Variants in RNF146 observed in about 807,000 individuals in gnomAD.
RNF146 encodes the protein ring finger protein 146.
Under a neutral mutation model 29.7 loss-of-function variants are expected in RNF146, and 11 were observed. That is an observed-to-expected ratio of 0.37 (90% confidence interval 0.23 to 0.61). RNF146 has a LOEUF of 0.61. RNF146 is among the 20% of genes least tolerant of loss of function. The pLI is 0.66. For synonymous variants in RNF146, 150 were observed against 159.7 expected, an observed-to-expected ratio of 0.94 and a Z score of 0.46; for missense variants, 342 against 438.9, an observed-to-expected ratio of 0.78 and a Z score of 1.97.
intron 1 of RNF146, among the ~76,000 whole-genome samples, chr6:127,271,001 A>G (rs1424541317): frequency 1.3e-5 from 2 of 151,882 alleles, no homozygotes; most frequent in African/African-American, 4.8e-5. Context: ...TTTTTAGTAG[A>G]GACGGGGTTT....
At chr6:127,278,496 A>G (rs1778528846) in intron 1 of RNF146, among the ~76,000 whole-genome samples, 1 of 150,834 alleles carries the variant, frequency 6.6e-6, no homozygotes, top group South Asian at 2.1e-4. Context: ...TTCAAGGTTC[A>G]TCTATATTGT....
intron 2 of RNF146, among the ~76,000 whole-genome samples, chr6:127,281,421 T>C (rs1778902609): frequency 6.6e-6 from 1 of 151,684 alleles, no homozygotes; most frequent in African/African-American, 2.4e-5. Context: ...AGATGCCATA[T>C]TAAGGTAACA....
At chr6:127,282,623 C>A (rs979636426) in intron 2 of RNF146, among the ~76,000 whole-genome samples, 1 of 151,734 alleles carries the variant, frequency 6.6e-6, no homozygotes, top group Admixed American at 6.6e-5. Flanking sequence ...TGGAAACTTA[C>A]ATCAGCAACC....
intron 2 of RNF146, chr6:127,285,430 T>G: frequency 1.4e-6 from 1 of 727,790 alleles, no homozygotes; most frequent in African/African-American, 1.9e-5. Context: ...AGATTGTCAT[T>G]CATTTTAAGC....
At chr6:127,268,132 A>T (rs1206387076) in intron 1 of RNF146, among the ~76,000 whole-genome samples, 2 of 151,666 alleles carry the variant, frequency 1.3e-5, no homozygotes, top group Admixed American at 6.6e-5. Flanking sequence ...AACTGAGGAG[A>T]GAAGAAAGCC....
At chr6:127,277,649 T>C (rs1778404846) in intron 1 of RNF146, among the ~76,000 whole-genome samples, 1 of 152,036 alleles carries the variant, frequency 6.6e-6, no homozygotes, top group Admixed American at 6.6e-5. Flanking sequence ...GAGAAAGATG[T>C]AGGCTGGGAG....
At chr6:127,277,660 G>C (rs979669084) in intron 1 of RNF146, among the ~76,000 whole-genome samples, 3 of 151,972 alleles carry the variant, frequency 2.0e-5, no homozygotes, top group African/African-American at 7.2e-5. Flanking sequence ...AGGCTGGGAG[G>C]CTAGGCCCAT....
chr6:127,278,705 A>T (rs1778559485), intron 1 of RNF146, among the ~76,000 whole-genome samples: 1 of 151,954 alleles, frequency 6.6e-6, no homozygotes, highest in South Asian at 2.1e-4. Context: ...TTGCTGTGTT[A>T]GCTTTTTGAG....
chr6:127,277,645 G>T (rs1023742334), intron 1 of RNF146, among the ~76,000 whole-genome samples: 1 of 152,030 alleles, frequency 6.6e-6, no homozygotes, highest in African/African-American at 2.4e-5. Context: ...ACAGGAGAAA[G>T]ATGTAGGCTG....
intron 2 of RNF146, among the ~76,000 whole-genome samples, chr6:127,282,594 C>T (rs968813964): frequency 6.6e-6 from 1 of 151,696 alleles, no homozygotes; most frequent in Admixed American, 6.6e-5. Flanking sequence ...TTTTCCTTAG[C>T]ATTCTTCTAT....
Position 127,286,928 on chromosome 6 carries a change from A to G in RNF146, c.315A>G (p.Ala105=), listed in dbSNP as rs749514035. 12 of 1,613,476 alleles carry G rather than the reference A, an allele frequency of 7.4e-6. No individual in the cohort carries two copies. Among genetic ancestry groups the G allele is most frequent in the Admixed American group, 1.7e-5 (1 of 59,904 alleles). The change falls in exon 3 of 3, where the codon GCA becomes GCG. Residue 105 remains alanine (A), a synonymous_variant. Coordinates refer to ENST00000368314, the MANE Select transcript of RNF146 (RefSeq NM_001242850.2). This position sits in a 1 kb window ranked among gnomAD's most constrained non-coding sequence, Gnocchi z 4.6. ...KAASRGNGEY[A]WYYEGRNGWW... Reference sequence around the variant, plus strand: ...CAAGTAGAGGAAATGGTGAATATGCATGGTATTATGAAGGAAGAAATGGGT... The same window carrying G: ...CAAGTAGAGGAAATGGTGAATATGCGTGGTATTATGAAGGAAGAAATGGGT...
chr6:127,280,686 AAGAC>A (rs1396589755), intron 2 of RNF146: 1 of 394,212 alleles, frequency 2.5e-6, no homozygotes, highest in Non-Finnish European at 3.5e-6. Context: ...TTTTGTAAAT[AAGAC>A]AGACTACTAG....
intron 1 of RNF146, among the ~76,000 whole-genome samples, chr6:127,269,120 G>T (rs866855648): frequency 1.3e-5 from 2 of 152,290 alleles, no homozygotes; most frequent in African/African-American, 2.4e-5. Flanking sequence ...CATCTTTGTG[G>T]ATATAGAAAC....
intron 2 of RNF146, among the ~76,000 whole-genome samples, chr6:127,284,372 C>T (rs1779256948): frequency 6.6e-6 from 1 of 151,680 alleles, no homozygotes; most frequent in South Asian, 2.1e-4. Context: ...GGTCATCAGC[C>T]CATTTTTCTA....
At chr6:127,275,091 C>G (rs1229048611) in intron 1 of RNF146, among the ~76,000 whole-genome samples, 6 of 152,138 alleles carry the variant, frequency 3.9e-5, no homozygotes, top group Admixed American at 3.9e-4. Flanking sequence ...TGGATAGATG[C>G]TGGGCTGACC....
At chr6:127,278,671 A>G (rs1433270662) in intron 1 of RNF146, among the ~76,000 whole-genome samples, 1 of 151,994 alleles carries the variant, frequency 6.6e-6, no homozygotes, top group African/African-American at 2.4e-5. Flanking sequence ...CTTCAATTCT[A>G]TTGCTATATC....
rs539982878 is a variant in RNF146, at chr6:127,279,334, A to T, written c.-108-897A>T. On this transcript the variant is annotated intron_variant, in intron 1 of 2. Transcript: ENST00000368314. ...TAGAGGTCCAGCTTAATTATTTTGCATGTGGAAATCCAGTTGTCCCAACAA... is the reference window on the plus strand; with the variant it reads ...TAGAGGTCCAGCTTAATTATTTTGCTTGTGGAAATCCAGTTGTCCCAACAA... Among the ~76,000 whole-genome samples the T allele has an allele frequency of 1.3e-4, 19 of 151,956 alleles. No homozygotes were observed. The East Asian group carries it at 3.5e-3, about 28-fold the overall frequency.
chr6:127,267,629 G>C (rs1562275769), intron 1 of RNF146, among the ~76,000 whole-genome samples: 1 of 151,988 alleles, frequency 6.6e-6, no homozygotes, highest in Non-Finnish European at 1.5e-5. Context: ...TCTCGGTCTT[G>C]CCTAAAACGA....
chr6:127,269,331 T>C (rs1160888966), intron 1 of RNF146, among the ~76,000 whole-genome samples: 2 of 152,224 alleles, frequency 1.3e-5, no homozygotes. Context: ...TTGACCAAGG[T>C]CACACAGATA....
Sources: gnomAD v4.1 joint callset for allele counts (sites outside exome capture counted in the v4.1 genomes callset) on GRCh38, gnomAD v4.1.1 for gene constraint, Gnocchi (gnomAD v3.1) non-coding constraint, MANE v1.5 for transcripts, NCBI Gene and HGNC (gene_info 2026-07-23, HGNC 2026-07-21) for gene names.